The following WIF1 variants were observed in gnomAD, a reference collection of about 807,000 sequenced individuals.
WIF1 encodes Wnt inhibitory factor 1.
In WIF1, 35 loss-of-function variants were observed where a neutral mutation model predicts 53.5. That is an observed-to-expected ratio of 0.65 (90% CI 0.50 to 0.87). The LOEUF is 0.87. WIF1 is among the 40% of genes least tolerant of loss of function. The pLI is 0.00. For missense variants in WIF1, 467 were observed against 476.8 expected (o/e 0.98, Z 0.19); for synonymous variants, 171 against 170.4 (o/e 1.00, Z -0.03).
At chr12:65,085,238 T>C (rs541930223) in intron 2 of WIF1, among the ~76,000 whole-genome samples, 1 of 152,318 alleles carries the variant, frequency 6.6e-6, no homozygotes, top group Non-Finnish European at 1.5e-5. Flanking sequence ...TTTTGGATTT[T>C]AGATTTTTTT....
At chr12:65,078,195 C>A (rs1212051207) in intron 2 of WIF1, among the ~76,000 whole-genome samples, 3 of 152,160 alleles carry the variant, frequency 2.0e-5, no homozygotes, top group African/African-American at 7.2e-5. Context: ...TCTCCTGCCT[C>A]AGCCTCCTGA....
intron 2 of WIF1, among the ~76,000 whole-genome samples, chr12:65,116,955 A>AG (rs1883521706): frequency 6.9e-6 from 1 of 144,688 alleles, no homozygotes; most frequent in Non-Finnish European, 1.5e-5. Context: ...AAAAAAAAAA[A>AG]AAAAAATTGT....
intron 7 of WIF1, among the ~76,000 whole-genome samples, chr12:65,060,616 G>A (rs1393023796): frequency 6.6e-6 from 1 of 152,202 alleles, no homozygotes; most frequent in Admixed American, 6.5e-5. Flanking sequence ...TCTGGAATTT[G>A]ATAGAGGTGA....
At chr12:65,085,169 G>A (rs1298556235) in intron 2 of WIF1, among the ~76,000 whole-genome samples, 1 of 152,134 alleles carries the variant, frequency 6.6e-6, no homozygotes, top group Non-Finnish European at 1.5e-5. Flanking sequence ...TGCTATCACT[G>A]CGAAACTGTG....
At chr12:65,098,549 G>A (rs942614561) in intron 2 of WIF1, among the ~76,000 whole-genome samples, 2 of 152,058 alleles carry the variant, frequency 1.3e-5, no homozygotes, top group Non-Finnish European at 1.5e-5. Context: ...TACCTACTAT[G>A]TCCTGGGCAT....
chr12:65,090,483 A>G (rs1883105893), intron 2 of WIF1, among the ~76,000 whole-genome samples: 1 of 152,166 alleles, frequency 6.6e-6, no homozygotes, highest in South Asian at 2.1e-4. Context: ...TAATCAAGTA[A>G]GTAAAAAATC....
chr12:65,107,787 G>A (rs1883372516), intron 2 of WIF1, among the ~76,000 whole-genome samples: 2 of 152,160 alleles, frequency 1.3e-5, no homozygotes, highest in Non-Finnish European at 2.9e-5. Context: ...CCTGCCTTCA[G>A]CTCCCACAAA....
chr12:65,098,207 A>G (rs1297751842), intron 2 of WIF1, among the ~76,000 whole-genome samples: 1 of 152,194 alleles, frequency 6.6e-6, no homozygotes, highest in African/African-American at 2.4e-5. Flanking sequence ...ATTTTTAAAC[A>G]TATATATTAT....
intron 3 of WIF1, among the ~76,000 whole-genome samples, chr12:65,069,304 C>T (rs1392652840): frequency 1.3e-5 from 2 of 152,032 alleles, no homozygotes; most frequent in African/African-American, 2.4e-5. Context: ...GCAGTTGATT[C>T]GGGGAAGAAA....
At chr12:65,102,025 T>C (rs1203195970) in intron 2 of WIF1, among the ~76,000 whole-genome samples, 2 of 152,256 alleles carry the variant, frequency 1.3e-5, no homozygotes, top group Non-Finnish European at 2.9e-5. Context: ...AAGAATTTTG[T>C]ACACATTATG....
At chr12:65,070,685 C>CT (rs776698382) in intron 3 of WIF1, among the ~76,000 whole-genome samples, 5 of 152,042 alleles carry the variant, frequency 3.3e-5, no homozygotes, top group Non-Finnish European at 7.4e-5. Context: ...CCAGGTGTAT[C>CT]TTTTTTCTGA....
At chr12:65,091,189 C>A (rs1883116129) in intron 2 of WIF1, among the ~76,000 whole-genome samples, 1 of 151,592 alleles carries the variant, frequency 6.6e-6, no homozygotes, top group African/African-American at 2.4e-5. Context: ...TCAGTAAAAT[C>A]CAGACTATAG....
At chr12:65,083,829 C>CTCTTTTCTTTTCTTTTCTTTGCTTT in intron 2 of WIF1, 1 of 246,950 alleles carries the variant, frequency 4.0e-6, no homozygotes, top group Non-Finnish European at 7.3e-6. Context: ...CTCCTCTTTT[C>CTCTTTTCTTTTCTTTTCTTTGCTTT]TCTTTTCTTT....
intron 3 of WIF1, among the ~76,000 whole-genome samples, chr12:65,069,691 CA>C (rs1346015822): frequency 1.3e-5 from 2 of 152,032 alleles, no homozygotes; most frequent in Non-Finnish European, 2.9e-5. Flanking sequence ...CAAGTGTTGA[CA>C]ATGAAGTCAC....
At chr12:65,059,070 A>C (rs962421125) in intron 7 of WIF1, among the ~76,000 whole-genome samples, 3 of 152,132 alleles carry the variant, frequency 2.0e-5, no homozygotes, top group African/African-American at 7.2e-5. Context: ...AAAAAAAAAA[A>C]ATAGACTAAG....
chr12:65,097,970 T>C (rs1477103089), intron 2 of WIF1, among the ~76,000 whole-genome samples: 3 of 152,164 alleles, frequency 2.0e-5, no homozygotes, highest in African/African-American at 7.2e-5. Flanking sequence ...AATTCTAGGA[T>C]TGGCAGATTC....
In WIF1 at chr12:65,066,476, A is replaced by G. The variant is rs182085778; in HGVS notation, c.730+165T>C. Among the ~76,000 whole-genome samples the G allele has an allele frequency of 2.6e-5, 4 of 152,266 alleles. No homozygotes were observed. In the East Asian group the frequency reaches 7.7e-4, roughly 29 times the overall value. ...CTGTGAATGAAAATAAACTTTTGCT[A>G]TTATGCTACACTAAAATTGGGATTT... is the stretch of plus-strand genomic sequence containing the variant. On this transcript the variant is annotated intron_variant, in intron 6 of 9. Transcript: ENST00000286574.
chr12:65,052,778 A>G (rs955668885), intron 9 of WIF1, among the ~76,000 whole-genome samples: 1 of 152,114 alleles, frequency 6.6e-6, no homozygotes, highest in African/African-American at 2.4e-5. Context: ...ATAATCTCCA[A>G]GTGGGGGTGC....
chr12:65,082,585 G>A (rs527897023), intron 2 of WIF1, among the ~76,000 whole-genome samples: 1 of 152,234 alleles, frequency 6.6e-6, no homozygotes, highest in African/African-American at 2.4e-5. Context: ...TATCAAGAGA[G>A]GAGTGCTGGA....
Sources: gnomAD v4.1 joint callset for allele counts (sites outside exome capture counted in the v4.1 genomes callset) on GRCh38, gnomAD v4.1.1 for gene constraint, MANE v1.5 for transcripts, NCBI Gene and HGNC (gene_info 2026-07-23, HGNC 2026-07-21) for gene names.